The following ABCA12 variants were observed in gnomAD, a reference collection of about 807,000 sequenced individuals.
ABCA12 encodes the protein ATP binding cassette subfamily A member 12, also known as glucosylceramide transporter ABCA12.
ABCA12 carries 156 observed loss-of-function variants against 293.5 expected under a neutral mutation model. The ratio of observed to expected loss-of-function variants is 0.53; its 90% CI spans 0.47 to 0.61. The LOEUF is 0.61. Ranked by LOEUF, ABCA12 falls within the 20% of genes least tolerant of loss-of-function variation. The probability of loss-of-function intolerance (pLI) is 0.00; values close to 1 mark genes in which losing one functional copy is unlikely to be tolerated. For missense variants in ABCA12, 2,797 were observed against 3,090.2 expected, an observed-to-expected ratio of 0.91 and a Z score of 2.25; for synonymous variants, 1,063 against 1,108.0, an observed-to-expected ratio of 0.96 and a Z score of 0.81.
chr2:215,049,575 T>C (rs2106053861), intron 6 of ABCA12, 51 bp downstream of exon 6: 1 of 1,558,690 alleles, frequency 6.4e-7, no homozygotes. Flanking sequence ...GCTATAGATT[T>C]ACCCTTTAAT....
At chr2:215,017,984 A>T (rs201713651) in intron 14 of ABCA12, 24 bp downstream of exon 14, 1 of 1,613,982 alleles carries the variant, frequency 6.2e-7, no homozygotes, top group Non-Finnish European at 8.5e-7. Flanking sequence ...AACTGCATGT[A>T]AGTACAAACA....
intron 18 of ABCA12, 43 bp from the exon 19 acceptor site, chr2:215,007,889 T>C (rs760922679): frequency 6.2e-7 from 1 of 1,611,702 alleles, no homozygotes; most frequent in Non-Finnish European, 8.5e-7. Context: ...CATTAGTATT[T>C]TGTCTATATT....
In ABCA12 at chr2:215,090,604, C is replaced by T. The variant is rs375806593; in HGVS notation, c.163+20993G>A. ...AAAACTCCAGCGCCGGTCACAGACT[C>T]GAGAAGACAGTCTTCCCTTGGTATC... On this transcript the variant is annotated intron_variant, in intron 2 of 52. Coordinates refer to ENST00000272895, the MANE Select transcript of ABCA12 (RefSeq NM_173076.3). 6.6e-5 allele frequency among the ~76,000 whole-genome samples: 10 copies of T among 152,098 alleles called. No individual in the cohort carries two copies. The East Asian group carries it at 1.2e-3, about 18-fold the overall frequency.
chr2:215,074,996 C>A (rs1485593066), intron 2 of ABCA12, among the ~76,000 whole-genome samples: 1 of 151,850 alleles, frequency 6.6e-6, no homozygotes, highest in Non-Finnish European at 1.5e-5. Context: ...GGGATAGATA[C>A]AGCTTTTACT....
At chr2:214,952,790 T>C (rs902380378) in intron 44 of ABCA12, among the ~76,000 whole-genome samples, 1 of 152,236 alleles carries the variant, frequency 6.6e-6, no homozygotes, top group African/African-American at 2.4e-5. Flanking sequence ...CCCAACCACA[T>C]GTTAAACTGT....
intron 2 of ABCA12, among the ~76,000 whole-genome samples, chr2:215,111,176 AAG>A (rs1424614035): frequency 1.3e-5 from 2 of 152,206 alleles, no homozygotes. Flanking sequence ...ATCAGCCCTA[AAG>A]AGAGAGAAGG....
intron 7 of ABCA12, among the ~76,000 whole-genome samples, chr2:215,041,549 CT>C (rs1701101671): frequency 8.3e-6 from 1 of 120,072 alleles, no homozygotes; most frequent in Admixed American, 7.8e-5. Flanking sequence ...GAGACTCCAT[CT>C]CAAAAAAAAA....
chr2:214,975,756 A>G, intron 34 of ABCA12, 29 bp downstream of exon 34: 1 of 1,613,834 alleles, frequency 6.2e-7, no homozygotes. Context: ...TTTTGGAAAC[A>G]TTCTTTTAGT....
At chr2:215,082,043 CTT>C (rs549072917) in intron 2 of ABCA12, among the ~76,000 whole-genome samples, 4 of 113,134 alleles carry the variant, frequency 3.5e-5, no homozygotes, top group African/African-American at 1.4e-4. Flanking sequence ...ATTGTTAATT[CTT>C]TTTTTTTTTT....
rs1264569524 is a variant in ABCA12 at position 215,037,073 on chromosome 2, G to C, written c.873-8C>G. 6.2e-7 allele frequency: 1 copy of C among 1,611,762 alleles called. No individual in the cohort carries two copies. Among genetic ancestry groups the C allele is most frequent in the Admixed American group, 1.7e-5 (1 of 59,998 alleles). ...TGCACAACCAGCAGCACACTAAGGA[G>C]TCAAAAAGCAATTAAACCAGATTCT... On this transcript the variant is annotated splice_polypyrimidine_tract_variant and splice_region_variant and intron_variant, in intron 7 of 52. Coordinates refer to ENST00000272895, the MANE Select transcript of ABCA12 (RefSeq NM_173076.3).
chr2:214,968,357 ATGTT>A (rs1158060707), intron 38 of ABCA12, among the ~76,000 whole-genome samples: 1 of 151,982 alleles, frequency 6.6e-6, no homozygotes, highest in African/African-American at 2.4e-5. Context: ...CTTATTAATA[ATGTT>A]TGGGAGATTT....
At chr2:214,943,468 G>A (rs1335562142) in intron 49 of ABCA12, among the ~76,000 whole-genome samples, 1 of 151,786 alleles carries the variant, frequency 6.6e-6, no homozygotes, top group Non-Finnish European at 1.5e-5. Flanking sequence ...TTCTCTTTTA[G>A]TTTTTAGTTC....
chr2:215,113,945 A>G (rs559507994), intron 1 of ABCA12, among the ~76,000 whole-genome samples: 7 of 152,296 alleles, frequency 4.6e-5, no homozygotes, highest in African/African-American at 1.7e-4. Flanking sequence ...TAATACTACA[A>G]TAAAGAGACA....
chr2:215,109,418 T>A (rs532290949), intron 2 of ABCA12, among the ~76,000 whole-genome samples: 2 of 152,282 alleles, frequency 1.3e-5, no homozygotes, highest in East Asian at 3.9e-4. Context: ...CTACTTGTAA[T>A]AACAAACCAA....
At position 214,975,868 on chromosome 2, in the gene ABCA12, T is replaced by C; in HGVS notation, c.5298A>G (p.Thr1766=). The change falls in exon 34 of 53, where the codon ACA becomes ACG. Residue 1766 remains threonine, a synonymous_variant. Transcript: ENST00000272895. ...GATAACTGTTGCTGGAATTTCTCAGTGTGCCAAGGCCCATGGCAGTGGTAA... is the reference window on the plus strand; with the variant it reads ...GATAACTGTTGCTGGAATTTCTCAGCGTGCCAAGGCCCATGGCAGTGGTAA... The part of the protein sequence containing the change: ...VFVTTAMGLG[T]LRNSSNSYPE... 2 of 1,614,068 alleles carry C rather than the reference T, an allele frequency of 1.2e-6. No individual in the cohort carries two copies. The highest frequency in any genetic ancestry group is 1.7e-6 in the Non-Finnish European group (2 of 1,179,966).
chr2:214,995,511 C>T (rs972526973), intron 23 of ABCA12, among the ~76,000 whole-genome samples: 1 of 152,068 alleles, frequency 6.6e-6, no homozygotes, highest in East Asian at 1.9e-4. Context: ...AAAATACTTC[C>T]GTTCTACTGC....
At chr2:215,026,465 C>G (rs750955970) in intron 10 of ABCA12, among the ~76,000 whole-genome samples, 4 of 152,144 alleles carry the variant, frequency 2.6e-5, no homozygotes, top group Non-Finnish European at 5.9e-5. Flanking sequence ...CATTTTTTAA[C>G]AGCTAAGATT....
chr2:215,130,882 T>C (rs1703038329), intron 1 of ABCA12, among the ~76,000 whole-genome samples: 1 of 152,138 alleles, frequency 6.6e-6, no homozygotes, highest in Non-Finnish European at 1.5e-5. Context: ...GGGTTTGTCA[T>C]ATATGACTGT....
At chr2:214,958,533 A>C (rs541772270) in intron 40 of ABCA12, 79 bp from the exon 41 acceptor site, 112 of 1,476,120 alleles carry the variant, frequency 7.6e-5, no homozygotes, top group Non-Finnish European at 1.0e-4. Context: ...CATAACTAAA[A>C]CCATCAAGAA....
Sources: allele counts gnomAD v4.1 joint callset (sites outside exome capture counted in the v4.1 genomes callset), GRCh38; gene constraint gnomAD v4.1.1; transcripts MANE v1.5; gene names NCBI Gene and HGNC (gene_info 2026-07-23, HGNC 2026-07-21).